ITCH: variants seen among roughly 807,000 people sequenced by gnomAD.
ITCH encodes itchy E3 ubiquitin protein ligase.
Under a neutral mutation model 126.8 loss-of-function variants are expected in ITCH, and 28 were observed. The observed-to-expected ratio is 0.22, with a 90% CI of 0.16 to 0.30. The LOEUF is 0.30. ITCH is among the 10% of genes least tolerant of loss of function. ITCH has a pLI of 1.00. For missense variants in ITCH, 631 were observed against 1,032.4 expected, an observed-to-expected ratio of 0.61 and a Z score of 5.33; for synonymous variants, 342 against 340.0, an observed-to-expected ratio of 1.01 and a Z score of -0.06.
intron 2 of ITCH, among the ~76,000 whole-genome samples, chr20:34,389,525 G>T (rs2038410808): frequency 6.6e-6 from 1 of 152,034 alleles, no homozygotes; most frequent in African/African-American, 2.4e-5. Context: ...CTACAAAAGA[G>T]AAACACTTGA....
chr20:34,501,756 C>G (rs894093285), intron 23 of ITCH, among the ~76,000 whole-genome samples: 1 of 115,490 alleles, frequency 8.7e-6, no homozygotes, highest in East Asian at 2.5e-4. Context: ...GCCTGGGCAA[C>G]AAGAGCGAAA....
intron 24 of ITCH, among the ~76,000 whole-genome samples, chr20:34,506,546 C>T (rs1246307606): frequency 6.6e-6 from 1 of 152,206 alleles, no homozygotes; most frequent in Non-Finnish European, 1.5e-5. Context: ...GGAGCAATAA[C>T]TATTGTGAAC....
chr20:34,474,545 A>AGTC (rs1300528766), intron 16 of ITCH, among the ~76,000 whole-genome samples: 1 of 152,218 alleles, frequency 6.6e-6, no homozygotes, highest in Admixed American at 6.5e-5. Context: ...CAAAATGAAA[A>AGTC]GTCTCCCATG....
chr20:34,503,869 G>GTTTTTTTTT (rs1491071174), intron 23 of ITCH, among the ~76,000 whole-genome samples: 3 of 114,432 alleles, frequency 2.6e-5, no homozygotes, highest in Non-Finnish European at 3.5e-5. Flanking sequence ...TTTTTTTTTT[G>GTTTTTTTTT]GTTTTTTTTT....
At chr20:34,443,757 G>A (rs1984076714) in intron 10 of ITCH, among the ~76,000 whole-genome samples, 4 of 152,142 alleles carry the variant, frequency 2.6e-5, no homozygotes, top group Admixed American at 6.5e-5. Context: ...GGACAAGGTA[G>A]GATGGGCGCT....
At chr20:34,374,953 C>T (rs1445597394) in intron 2 of ITCH, among the ~76,000 whole-genome samples, 5 of 150,550 alleles carry the variant, frequency 3.3e-5, no homozygotes, top group East Asian at 3.9e-4. Flanking sequence ...TTTGGCCAGG[C>T]TGGTGTTGAA....
At chr20:34,397,665 C>T (rs1203600441) in intron 3 of ITCH, among the ~76,000 whole-genome samples, 1 of 152,104 alleles carries the variant, frequency 6.6e-6, no homozygotes, top group Non-Finnish European at 1.5e-5. Flanking sequence ...GGTATCTTTC[C>T]TTAGCAGTAT....
intron 2 of ITCH, among the ~76,000 whole-genome samples, chr20:34,383,756 T>C (rs2146031864): frequency 6.6e-6 from 1 of 151,742 alleles, no homozygotes; most frequent in South Asian, 2.1e-4. Flanking sequence ...TCGGAACTCC[T>C]AGGCTCAAGA....
intron 2 of ITCH, among the ~76,000 whole-genome samples, chr20:34,387,171 T>C (rs527283470): frequency 6.6e-6 from 1 of 151,794 alleles, no homozygotes; most frequent in East Asian, 1.9e-4. Context: ...CCAGATGTCA[T>C]GCATGCCTGT....
chr20:34,417,060 C>T (rs368468462), intron 6 of ITCH: 44 of 586,382 alleles, frequency 7.5e-5, no homozygotes, highest in East Asian at 4.2e-4. Context: ...CAGGCATCTG[C>T]CACCACACCT....
intron 7 of ITCH, among the ~76,000 whole-genome samples, chr20:34,426,801 G>A (rs1205201587): frequency 1.3e-5 from 2 of 148,690 alleles, no homozygotes; most frequent in African/African-American, 2.5e-5. Flanking sequence ...TTGAGGTGTT[G>A]TCTCACTCTG....
chr20:34,447,141 T>G (rs1984560054), intron 11 of ITCH, among the ~76,000 whole-genome samples: 1 of 151,802 alleles, frequency 6.6e-6, no homozygotes, highest in African/African-American at 2.4e-5. Context: ...ACTACTGTAA[T>G]CCTGACCGAT....
At chr20:34,469,846 GTT>G (rs1486988899) in intron 14 of ITCH, among the ~76,000 whole-genome samples, 200 bp from the exon 15 acceptor site, 2 of 152,086 alleles carry the variant, frequency 1.3e-5, no homozygotes, top group Non-Finnish European at 2.9e-5. Context: ...CAAAATCAAA[GTT>G]TTTTGTTTGT....
At chr20:34,484,792 C>T (rs897572348) in intron 20 of ITCH, among the ~76,000 whole-genome samples, 17 of 152,144 alleles carry the variant, frequency 1.1e-4, no homozygotes, top group African/African-American at 3.6e-4. Context: ...CAAATGTGAG[C>T]ATTTTATGGA....
chr20:34,402,746 C>G (rs541518632), intron 3 of ITCH: 10 of 323,152 alleles, frequency 3.1e-5, no homozygotes, highest in African/African-American at 2.2e-4. Context: ...CTCATGTTGA[C>G]CTCAGCTTCT....
At chr20:34,441,165 G>T (rs563303328) in intron 9 of ITCH, among the ~76,000 whole-genome samples, 10 of 151,996 alleles carry the variant, frequency 6.6e-5, no homozygotes, top group African/African-American at 2.4e-4. Context: ...CCAGCTACTC[G>T]GGAGGCTGAG....
intron 11 of ITCH, among the ~76,000 whole-genome samples, chr20:34,447,043 T>C (rs1329600151): frequency 6.6e-6 from 1 of 152,216 alleles, no homozygotes; most frequent in Non-Finnish European, 1.5e-5. Context: ...ATGTACCCTT[T>C]ATCTCATTTT....
intron 6 of ITCH, among the ~76,000 whole-genome samples, chr20:34,416,532 C>G (rs952592548): frequency 3.9e-5 from 6 of 152,144 alleles, no homozygotes; most frequent in Admixed American, 1.3e-4. Context: ...GGGAAAAATA[C>G]CTTATTGTAC....
intron 23 of ITCH, among the ~76,000 whole-genome samples, chr20:34,499,143 T>G (rs577563677): frequency 6.6e-6 from 1 of 151,830 alleles, no homozygotes; most frequent in Admixed American, 6.6e-5. Flanking sequence ...CTCGGCTAAT[T>G]TTTTGTCTTT....
Sources: gnomAD v4.1 joint callset for allele counts (sites outside exome capture counted in the v4.1 genomes callset) on GRCh38, gnomAD v4.1.1 for gene constraint, MANE v1.5 for transcripts, NCBI Gene and HGNC (gene_info 2026-07-23, HGNC 2026-07-21) for gene names.